RHOBTB2: variants seen among roughly 807,000 people sequenced by gnomAD.
The protein encoded by RHOBTB2 is Rho related BTB domain containing 2, also known as rho-related BTB domain-containing protein 2.
In RHOBTB2, 39 loss-of-function variants were observed where a neutral mutation model predicts 66.5. The observed-to-expected ratio is 0.59, with a 90% CI of 0.45 to 0.77. RHOBTB2 has a LOEUF of 0.77. Among genes scored for constraint, RHOBTB2 ranks in the 30% least tolerant of loss-of-function variants. The pLI, the probability that RHOBTB2 is intolerant of heterozygous loss-of-function variation, is 0.00. For synonymous variants in RHOBTB2, 390 were observed against 395.0 expected (o/e 0.99, Z 0.15); for missense variants, 755 against 999.1 (o/e 0.76, Z 3.29).
intron 7 of RHOBTB2, among the ~76,000 whole-genome samples, chr8:23,012,471 C>T (rs962380959): frequency 2.0e-5 from 3 of 152,184 alleles, no homozygotes; most frequent in African/African-American, 7.2e-5. Context: ...GGGGAAGATG[C>T]CAAGTTTTAT....
chr8:22,970,413 T>C, the RHOBTB2 span, among the ~76,000 whole-genome samples: 3 of 152,124 alleles, frequency 2.0e-5, no homozygotes, highest in Non-Finnish European at 4.4e-5. Flanking sequence ...TTTCAACATA[T>C]GAATTTTGTT....
At chr8:22,982,856 C>T (rs536766560), upstream of RHOBTB2, among the ~76,000 whole-genome samples, 21 of 152,280 alleles carry the variant, frequency 1.4e-4, no homozygotes, top group African/African-American at 5.1e-4. Flanking sequence ...GACTCAGTGT[C>T]GGGTGAGGGC....
intron 1 of RHOBTB2, among the ~76,000 whole-genome samples, chr8:23,000,877 C>A (rs549385461): frequency 6.6e-6 from 1 of 152,208 alleles, no homozygotes; most frequent in South Asian, 2.1e-4. Flanking sequence ...ACAAGCCAGG[C>A]TCCCAGGGAG....
At chr8:22,951,883 G>A in the RHOBTB2 span, among the ~76,000 whole-genome samples, 4 of 152,252 alleles carry the variant, frequency 2.6e-5, no homozygotes, top group Non-Finnish European at 4.4e-5. Flanking sequence ...ACCAAGCCTG[G>A]CTAATTTTTG....
In RHOBTB2 at chr8:22,994,110, C is replaced by T. The variant is rs150704295; in HGVS notation, c.-23-451C>T. 6.3e-3 allele frequency among the ~76,000 whole-genome samples: 962 copies of T among 152,278 alleles called. 10 individuals are homozygous for T. Among genetic ancestry groups the T allele is most frequent in the African/African-American group, 0.022 (914 of 41,552 alleles). On this transcript the variant is annotated intron_variant, in intron 2 of 11. Transcript: ENST00000519685. ...AAATATAGACCTTCCATGCTGGGCA[C>T]GCACAGAGGATATCAGGGCCAGAAT...
chr8:22,995,791 G>A, upstream of RHOBTB2: 1 of 1,509,130 alleles, frequency 6.6e-7, no homozygotes, highest in Non-Finnish European at 9.0e-7. Context: ...GCACATGGCA[G>A]GGGATGGGGG....
At chr8:22,960,139 C>A in the RHOBTB2 span, among the ~76,000 whole-genome samples, 1 of 149,980 alleles carries the variant, frequency 6.7e-6, no homozygotes, top group African/African-American at 2.5e-5. Context: ...GCTGAGATCA[C>A]GGCACTGTAC....
chr8:22,969,788 G>A, the RHOBTB2 span, among the ~76,000 whole-genome samples: 3 of 152,130 alleles, frequency 2.0e-5, no homozygotes, highest in South Asian at 2.1e-4. Context: ...GGTCTCACTC[G>A]TCATCTAGGC....
chr8:23,004,666 G>C lies in RHOBTB2; in HGVS notation c.192+40G>C. 6.4e-7 allele frequency: 1 copy of C among 1,573,664 alleles called. No individual in the cohort carries two copies. Among genetic ancestry groups the C allele is most frequent in the Non-Finnish European group, 8.6e-7 (1 of 1,158,632 alleles). On this transcript the variant is annotated intron_variant, in intron 2 of 9. Coordinates refer to ENST00000251822, the MANE Select transcript of RHOBTB2 (RefSeq NM_015178.3). This position sits in a 1 kb window ranked among gnomAD's most constrained non-coding sequence, Gnocchi z 6.4. Reference sequence around the variant, plus strand: ...CTACCTGGCTGGGGGTCCACGCCATGAGTCTGGGCTTGGGGGCTTCCTGAG... The same window carrying C: ...CTACCTGGCTGGGGGTCCACGCCATCAGTCTGGGCTTGGGGGCTTCCTGAG...
upstream of RHOBTB2, among the ~76,000 whole-genome samples, chr8:22,986,342 C>T (rs2128794509): frequency 6.9e-6 from 1 of 145,224 alleles, no homozygotes; most frequent in African/African-American, 2.6e-5. Context: ...CTCACTGCAG[C>T]TGCAGCCTCA....
At chr8:22,994,467 T>C in intron 2 of RHOBTB2, 1 of 733,792 alleles carries the variant, frequency 1.4e-6, no homozygotes, top group Admixed American at 2.4e-5. Flanking sequence ...CTATCTGGGC[T>C]GAGCGACCTT....
the RHOBTB2 span, among the ~76,000 whole-genome samples, chr8:22,969,715 A>G: frequency 4.5e-4 from 68 of 152,312 alleles, no homozygotes; most frequent in Non-Finnish European, 7.6e-4. Flanking sequence ...AAACCATATC[A>G]GTTTAACAAT....
At chr8:23,002,497 G>T (rs1226086316) in intron 1 of RHOBTB2, among the ~76,000 whole-genome samples, 2 of 152,182 alleles carry the variant, frequency 1.3e-5, no homozygotes, top group African/African-American at 4.8e-5. Flanking sequence ...TTTAAGACCA[G>T]CCTGACCAAC....
chr8:23,010,796 G>A (rs971984113), intron 7 of RHOBTB2, 108 bp downstream of exon 7: 2 of 1,191,776 alleles, frequency 1.7e-6, no homozygotes, highest in African/African-American at 1.5e-5. Flanking sequence ...TGATGTCCAA[G>A]GGACTAAGCG....
chr8:22,964,840 G>A, the RHOBTB2 span, among the ~76,000 whole-genome samples: 3 of 147,144 alleles, frequency 2.0e-5, no homozygotes, highest in Admixed American at 2.0e-4. Context: ...TTATTGAGAT[G>A]GAGTCTTGCT....
At chr8:22,990,777 C>T (rs186490423) in intron 1 of RHOBTB2, among the ~76,000 whole-genome samples, 1,531 of 152,280 alleles carry the variant, frequency 0.01, 14 homozygotes, top group South Asian at 0.045. Flanking sequence ...CTGTGGCCCC[C>T]GCCGCTCAAC....
At chr8:23,000,357 A>T (rs1274888557) in intron 1 of RHOBTB2, among the ~76,000 whole-genome samples, 4 of 152,202 alleles carry the variant, frequency 2.6e-5, no homozygotes, top group African/African-American at 4.8e-5. Flanking sequence ...AAAAATTTTT[A>T]AATTTCTATT....
At chr8:22,984,088 T>C (rs1030062280), upstream of RHOBTB2, among the ~76,000 whole-genome samples, 1 of 152,120 alleles carries the variant, frequency 6.6e-6, no homozygotes, top group Non-Finnish European at 1.5e-5. Flanking sequence ...GCTATTCATA[T>C]CAATGTGACC....
chr8:23,005,262 C>G (rs1192234189), intron 2 of RHOBTB2, 110 bp from the exon 3 acceptor site: 1 of 730,550 alleles, frequency 1.4e-6, no homozygotes, highest in East Asian at 2.6e-5. Flanking sequence ...TCCCTCCATG[C>G]CCAGTGATGT....
Sources: allele counts gnomAD v4.1 joint callset (sites outside exome capture counted in the v4.1 genomes callset), GRCh38; gene constraint gnomAD v4.1.1; non-coding constraint Gnocchi (gnomAD v3.1); transcripts MANE v1.5; gene names NCBI Gene and HGNC (gene_info 2026-07-23, HGNC 2026-07-21).